ITGA3: variants seen among roughly 807,000 people sequenced by gnomAD.
The protein encoded by ITGA3 is integrin alpha-3.
A neutral mutation model predicts 131.1 loss-of-function variants in ITGA3; 70 were observed. The observed-to-expected ratio is 0.53, with a 90% confidence interval of 0.44 to 0.65. ITGA3 has a LOEUF of 0.65. Among genes scored for constraint, ITGA3 ranks in the 30% least tolerant of loss-of-function variants. The probability of loss-of-function intolerance (pLI) is 0.00; values close to 1 mark genes in which losing one functional copy is unlikely to be tolerated. For synonymous variants in ITGA3, 537 were observed against 571.6 expected, an observed-to-expected ratio of 0.94 and a Z score of 0.86; for missense variants, 1,098 against 1,388.6, an observed-to-expected ratio of 0.79 and a Z score of 3.33.
In ITGA3 at chr17:50,064,709, G is replaced by A. The variant is rs531443586; in HGVS notation, c.414+102G>A. On this transcript the variant is annotated intron_variant, in intron 3 of 25. Coordinates refer to ENST00000320031, the MANE Select transcript of ITGA3 (RefSeq NM_002204.4). This position sits in a 1 kb window ranked among gnomAD's most constrained non-coding sequence, Gnocchi z 4.4. ...AGGGCAGCAGGGGGGTCCACGGCGC[G>A]TGTGTGCTGGGGCCTGCACACATGT... is the stretch of plus-strand genomic sequence containing the variant. 3.4e-5 allele frequency: 31 copies of A among 913,952 alleles called. No individual in the cohort carries two copies. The highest frequency in any genetic ancestry group is 1.1e-4 in the South Asian group (7 of 62,402). The allele number at this position is 913,952 out of a possible 1,614,324, so 56.6% of individuals were successfully genotyped here.
At chr17:50,066,143 C>G (rs2144268630) in intron 3 of ITGA3, 1 of 151,858 alleles carries the variant, frequency 6.6e-6, no homozygotes, top group Non-Finnish European at 1.5e-5. Flanking sequence ...ACCCTCCAGC[C>G]TTAGCCTCCC....
intron 1 of ITGA3, among the ~76,000 whole-genome samples, chr17:50,062,265 C>G (rs566575771): frequency 1.1e-4 from 17 of 152,278 alleles, no homozygotes; most frequent in Admixed American, 5.2e-4. Context: ...AGATGGGGCA[C>G]TCAGGGCTCA....
intron 1 of ITGA3, among the ~76,000 whole-genome samples, chr17:50,062,998 C>T (rs1908163729): frequency 6.6e-6 from 1 of 152,228 alleles, no homozygotes. Context: ...CCAGATTCCA[C>T]CAGATGGTGT....
intron 14 of ITGA3, 40 bp downstream of exon 14, chr17:50,076,721 G>T (rs1908923797): frequency 6.5e-7 from 1 of 1,544,866 alleles, no homozygotes; most frequent in African/African-American, 1.4e-5. Flanking sequence ...GGCCAAGGGT[G>T]GGACGGGGCC....
rs778130201 is a variant in ITGA3 at position 50,068,135 on chromosome 17, G to A, written c.494G>A (p.Arg165Gln). 4.3e-6 allele frequency: 7 copies of A among 1,614,070 alleles called. No homozygotes were observed. Among genetic ancestry groups the A allele is most frequent in the African/African-American group, 1.3e-5 (1 of 74,952 alleles). The change falls in exon 4 of 26, where the codon CGA becomes CAA. Residue 165 changes from arginine to glutamine, a missense_variant. Coordinates refer to ENST00000320031, the MANE Select transcript of ITGA3 (RefSeq NM_002204.4). ...QRRMVGKCYV[R>Q]GNDLELDSSD... ...CGCATGGTGGGCAAGTGCTACGTGC[G>A]AGGCAATGACCTAGAGCTGGACTCC...
chr17:50,076,662 C>A lies in ITGA3; in HGVS notation c.1903C>A (p.Gln635Lys), dbSNP rs1268390942. 4 of 1,613,248 alleles carry A rather than the reference C, an allele frequency of 2.5e-6. No homozygotes were observed. Among genetic ancestry groups the A allele is most frequent in the Admixed American group, 1.7e-5 (1 of 59,994 alleles). Residue 635 changes from glutamine to lysine, a missense_variant, in exon 14 of 26, where the codon CAG becomes AAG. Gln to Lys is a moderately conservative substitution (Grantham distance 53). Transcript: ENST00000320031. ...LQMRAAFVSE[Q>K]QQKLSRLQYS... ...GATGCGGGCAGCCTTCGTGTCAGAG[C>A]AGCAGCAGAAGCTGAGCAGGTGGCT...
intron 6 of ITGA3, 81 bp downstream of exon 6, chr17:50,071,599 G>T: frequency 7.6e-7 from 1 of 1,309,144 alleles, no homozygotes; most frequent in Non-Finnish European, 1.0e-6. Flanking sequence ...GAGGGGAGTG[G>T]AGGATTTGCA....
intron 23 of ITGA3, 125 bp from the exon 24 acceptor site, chr17:50,087,619 G>C: frequency 3.6e-6 from 4 of 1,122,260 alleles, no homozygotes; most frequent in Non-Finnish European, 5.1e-6. Flanking sequence ...GCTTTTTCCA[G>C]TCCCAGGCTG....
At chr17:50,083,830 G>T (rs1400223291) in intron 23 of ITGA3, among the ~76,000 whole-genome samples, 1 of 151,802 alleles carries the variant, frequency 6.6e-6, no homozygotes, top group Non-Finnish European at 1.5e-5. Context: ...ATATATAAAG[G>T]ATATCAATTG....
Position 50,056,616 on chromosome 17 carries a change from T to A in ITGA3, c.177T>A (p.His59Gln), listed in dbSNP as rs750587035. 1 of 1,602,888 alleles carries A rather than the reference T, an allele frequency of 6.2e-7. No individual in the cohort carries two copies. Among genetic ancestry groups the A allele is most frequent in the Admixed American group, 1.7e-5 (1 of 58,846 alleles). The change falls in exon 1 of 26, where the codon CAT becomes CAA. Residue 59 changes from histidine (H) to glutamine (Q), a missense_variant. By Grantham distance (24) the His-to-Gln change is conservative (BLOSUM62 0). Coordinates refer to ENST00000320031, the MANE Select transcript of ITGA3 (RefSeq NM_002204.4). The surrounding 1 kb of genome is among the most constrained non-coding windows in gnomAD (Gnocchi z 5.6). ...TCTTCGGCTACTCGGTCGCCCTCCATCGGCAGACAGAGCGGCAGCAGCGCT... is the reference window on the plus strand; with the variant it reads ...TCTTCGGCTACTCGGTCGCCCTCCAACGGCAGACAGAGCGGCAGCAGCGCT... Reference protein sequence around the residue: ...GSLFGYSVALHRQTERQQRYL... With the variant: ...GSLFGYSVALQRQTERQQRYL...
intron 16 of ITGA3, among the ~76,000 whole-genome samples, chr17:50,077,713 G>C (rs1045302120): frequency 2.0e-5 from 3 of 152,224 alleles, no homozygotes; most frequent in Non-Finnish European, 4.4e-5. Flanking sequence ...CAGCCCCTGA[G>C]CCCAACACTG....
At chr17:50,076,554 G>C (rs1204150232) in intron 13 of ITGA3, 30 bp from the exon 14 acceptor site, 11 of 1,609,208 alleles carry the variant, frequency 6.8e-6, no homozygotes, top group Non-Finnish European at 9.3e-6. Flanking sequence ...GGGGGGTGGT[G>C]CGGCCTTCAC....
rs1908895150 is a variant in ITGA3 at position 50,076,400 on chromosome 17, C to T, written c.1749C>T (p.Arg583=). 6.2e-7 allele frequency: 1 copy of T among 1,612,832 alleles called. No homozygotes were observed. Among genetic ancestry groups the T allele is most frequent in the Non-Finnish European group, 8.5e-7 (1 of 1,179,968 alleles). The stretch of plus-strand genomic sequence containing the variant: ...CTTTACCTTTGCGGATGCCCGATCG[C>T]CCCCGGCTGGGGCTGCGGTCCCTGG... The part of the protein sequence containing the change: ...NYSLPLRMPD[R]PRLGLRSLDA... Residue 583 remains arginine, a synonymous_variant, in exon 13 of 26, where the codon CGC becomes CGT. Transcript: ENST00000320031.
intron 1 of ITGA3, among the ~76,000 whole-genome samples, chr17:50,059,528 C>A (rs1481190578): frequency 6.6e-6 from 1 of 152,194 alleles, no homozygotes; most frequent in Non-Finnish European, 1.5e-5. Context: ...AGGTGCCTGG[C>A]AGCCTTCAAG....
At chr17:50,060,171 G>A (rs1182366459) in intron 1 of ITGA3, among the ~76,000 whole-genome samples, 1 of 152,160 alleles carries the variant, frequency 6.6e-6, no homozygotes, top group Non-Finnish European at 1.5e-5. Context: ...CCTGCCTCCC[G>A]GCCGGGGATA....
At chr17:50,069,807 C>T (rs1205121845) in intron 4 of ITGA3, among the ~76,000 whole-genome samples, 2 of 152,206 alleles carry the variant, frequency 1.3e-5, no homozygotes, top group African/African-American at 4.8e-5. Context: ...TAAAAGACCA[C>T]ACTACACATG....
intron 7 of ITGA3, 21 bp downstream of exon 7, chr17:50,072,203 C>CCCAGCACCCCTCCT (rs747413363): frequency 2.1e-5 from 33 of 1,595,526 alleles, no homozygotes; most frequent in Non-Finnish European, 2.7e-5. Context: ...GCACTCCTCC[C>CCCAGCACCCCTCCT]CCAGCACCCC....
At chr17:50,070,085 A>G (rs1287977940) in intron 4 of ITGA3, among the ~76,000 whole-genome samples, 1 of 152,180 alleles carries the variant, frequency 6.6e-6, no homozygotes, top group Admixed American at 6.5e-5. Flanking sequence ...GCAAAGTCAC[A>G]GATACTCTCC....
rs201210478 is a variant in ITGA3, at chr17:50,064,097, G to A, written c.227G>A (p.Arg76Gln). The change falls in exon 2 of 26, where the codon CGG (arginine) becomes CAG (glutamine). Residue 76 changes from arginine (R) to glutamine (Q), a missense_variant. Physicochemically the swap from Arg to Gln is conservative, Grantham distance 43 (BLOSUM62 1). Coordinates refer to ENST00000320031, the MANE Select transcript of ITGA3 (RefSeq NM_002204.4). This position sits in a 1 kb window ranked among gnomAD's most constrained non-coding sequence, Gnocchi z 4.4. ...QRYLLLAGAP[R>Q]ELAVPDGYTN... Reference sequence around the variant, plus strand: ...CCCAGGCTCCTGGCTGGTGCCCCCCGGGAGCTCGCTGTGCCCGATGGCTAC... The same window carrying A: ...CCCAGGCTCCTGGCTGGTGCCCCCCAGGAGCTCGCTGTGCCCGATGGCTAC... The A allele has an allele frequency of 1.2e-4, 200 of 1,612,606 alleles. No homozygotes were observed. Among genetic ancestry groups the A allele is most frequent in the Non-Finnish European group, 1.2e-4 (142 of 1,179,678 alleles).
Sources: gnomAD v4.1 joint callset for allele counts (sites outside exome capture counted in the v4.1 genomes callset) on GRCh38, gnomAD v4.1.1 for gene constraint, Gnocchi (gnomAD v3.1) non-coding constraint, MANE v1.5 for transcripts, NCBI Gene and HGNC (gene_info 2026-07-23, HGNC 2026-07-21) for gene names.